Variants in ZNF469 observed in about 807,000 individuals in gnomAD.
The protein encoded by ZNF469 is zinc finger protein 469.
A neutral mutation model predicts 1.0 loss-of-function variants in ZNF469; 1 was observed. The ratio of observed to expected loss-of-function variants is 1.00; its 90% CI spans 0.35 to 4.73. The LOEUF is 4.73. ZNF469 is among the 30% of genes most tolerant of loss of function. The probability of loss-of-function intolerance (pLI) is 0.16; values close to 1 mark genes in which losing one functional copy is unlikely to be tolerated. For synonymous variants in ZNF469, 2,703 were observed against 2,363.4 expected, an observed-to-expected ratio of 1.14 and a Z score of -4.17; for missense variants, 6,100 against 5,356.3, an observed-to-expected ratio of 1.14 and a Z score of -4.33.
the ZNF469 span, among the ~76,000 whole-genome samples, chr16:88,368,826 G>A: frequency 6.6e-6 from 1 of 152,190 alleles, no homozygotes; most frequent in Non-Finnish European, 1.5e-5. Flanking sequence ...GCCAGGCACA[G>A]TGGCTCATGC....
At chr16:88,226,888 G>C in the ZNF469 span, among the ~76,000 whole-genome samples, 1 of 152,124 alleles carries the variant, frequency 6.6e-6, no homozygotes, top group Non-Finnish European at 1.5e-5. Context: ...CGCACCACAG[G>C]CTGCACGTTT....
chr16:88,377,181 C>G, the ZNF469 span, among the ~76,000 whole-genome samples: 4 of 152,244 alleles, frequency 2.6e-5, no homozygotes, highest in African/African-American at 9.6e-5. Context: ...GGCAGGGGCA[C>G]AGACCGTGTG....
chr16:88,185,623 C>G, the ZNF469 span, among the ~76,000 whole-genome samples: 1 of 151,994 alleles, frequency 6.6e-6, no homozygotes, highest in African/African-American at 2.4e-5. Flanking sequence ...CAGACACACT[C>G]ACATTTGCAC....
intron 1 of ZNF469, among the ~76,000 whole-genome samples, chr16:88,421,290 C>G (rs1007089436): frequency 6.6e-6 from 1 of 152,208 alleles, no homozygotes; most frequent in African/African-American, 2.4e-5. Context: ...GGGGCCAGTT[C>G]CTATTTCTGA....
the ZNF469 span, among the ~76,000 whole-genome samples, chr16:88,349,956 C>T: frequency 1.3e-4 from 2 of 15,302 alleles, no homozygotes; most frequent in Admixed American, 1.2e-3. Flanking sequence ...CACAAATACA[C>T]ACCATGAGCG....
At chr16:88,114,889 A>G in the ZNF469 span, among the ~76,000 whole-genome samples, 1 of 152,236 alleles carries the variant, frequency 6.6e-6, no homozygotes, top group South Asian at 2.1e-4. Context: ...GGAAGTGGGC[A>G]CTGGAAACAG....
the ZNF469 span, among the ~76,000 whole-genome samples, chr16:88,377,439 C>A: frequency 4.6e-5 from 7 of 152,214 alleles, no homozygotes; most frequent in African/African-American, 1.7e-4. Context: ...TGTGCCTGTG[C>A]CCCTGTGCAG....
the ZNF469 span, among the ~76,000 whole-genome samples, chr16:88,165,930 T>G: frequency 1.3e-5 from 2 of 152,166 alleles, no homozygotes; most frequent in African/African-American, 2.4e-5. Context: ...CTCATCCACA[T>G]GGGGTGTGTC....
At chr16:88,217,180 G>T in the ZNF469 span, among the ~76,000 whole-genome samples, 1 of 151,960 alleles carries the variant, frequency 6.6e-6, no homozygotes, top group African/African-American at 2.4e-5. Flanking sequence ...AATGCATCGT[G>T]GAGGCTCCAG....
intron 1 of ZNF469, among the ~76,000 whole-genome samples, chr16:88,385,855 C>G (rs994674287): frequency 6.6e-6 from 1 of 152,132 alleles, no homozygotes; most frequent in African/African-American, 2.4e-5. Context: ...GTGGGACGGG[C>G]TGGTGTGTGG....
rs954756535 is a variant in ZNF469, at chr16:88,426,131, C to T, written c.-126-1214C>T. On this transcript the variant is annotated intron_variant, in intron 2 of 2. Coordinates refer to ENST00000565624, the MANE Select transcript of ZNF469 (RefSeq NM_001367624.2). The stretch of plus-strand genomic sequence containing the variant: ...CAGGCCGGTGGGAGGGTCCTGTGAC[C>T]TCAGGAGGCAGCCCCCGCCTCCACA... Among the ~76,000 whole-genome samples the T allele has an allele frequency of 2.0e-5, 3 of 152,240 alleles. No individual in the cohort carries two copies. In the South Asian group the frequency reaches 6.2e-4, roughly 31 times the overall value.
At chr16:88,387,726 CGT>C (rs1567497881) in intron 1 of ZNF469, among the ~76,000 whole-genome samples, 1 of 152,192 alleles carries the variant, frequency 6.6e-6, no homozygotes, top group African/African-American at 2.4e-5. Flanking sequence ...GAAGGCTCAG[CGT>C]GTGTGGGGAA....
the ZNF469 span, among the ~76,000 whole-genome samples, chr16:88,274,532 C>G: frequency 6.6e-6 from 1 of 152,274 alleles, no homozygotes; most frequent in South Asian, 2.1e-4. Context: ...AGCCCACCCT[C>G]TGCCTTCAGA....
Position 88,424,469 on chromosome 16 carries a change from C to T in ZNF469, c.-191-338C>T, listed in dbSNP as rs1036438122. On this transcript the variant is annotated intron_variant, in intron 1 of 2. Transcript: ENST00000565624. The surrounding 1 kb of genome is among the most constrained non-coding windows in gnomAD (Gnocchi z 4.3). ...GATGGGAGGGGCAGCGTTCTCACTG[C>T]AACTCGTAATAATCTGGAGCTTCGG... 6.6e-6 allele frequency among the ~76,000 whole-genome samples: 1 copy of T among 152,186 alleles called. No homozygotes were observed. Among genetic ancestry groups the T allele is most frequent in the Non-Finnish European group, 1.5e-5 (1 of 68,022 alleles).
At chr16:88,246,410 C>G in the ZNF469 span, among the ~76,000 whole-genome samples, 1 of 152,210 alleles carries the variant, frequency 6.6e-6, no homozygotes, top group Non-Finnish European at 1.5e-5. Context: ...GGAACCCCAT[C>G]TCAGAGCAAG....
chr16:88,245,516 G>A, the ZNF469 span, among the ~76,000 whole-genome samples: 1 of 152,256 alleles, frequency 6.6e-6, no homozygotes, highest in African/African-American at 2.4e-5. Flanking sequence ...CCCTGAGGCT[G>A]GGAGGTCAGC....
At chr16:88,194,117 C>T in the ZNF469 span, among the ~76,000 whole-genome samples, 13 of 152,306 alleles carry the variant, frequency 8.5e-5, no homozygotes, top group Middle Eastern at 3.4e-3. Context: ...TTTATTCCCC[C>T]CTCCGCCACA....
Position 88,432,519 on chromosome 16 carries a change from T to C in ZNF469, c.5049T>C (p.Ala1683=). The C allele has an allele frequency of 6.5e-7, 1 of 1,550,312 alleles. No homozygotes were observed. Among genetic ancestry groups the C allele is most frequent in the Non-Finnish European group, 8.7e-7 (1 of 1,146,950 alleles). The change falls in exon 3 of 3, where the codon GCT becomes GCC. Residue 1683 remains alanine (A), a synonymous_variant. Coordinates refer to ENST00000565624, the MANE Select transcript of ZNF469 (RefSeq NM_001367624.2). ...PCAQEDLVSG[A]PFSPRGANFH... ...CCCAGGAAGACCTGGTTTCTGGGGC[T>C]CCTTTCAGCCCCAGGGGAGCCAACT...
rs1431147159 is a variant in ZNF469, at chr16:88,433,296, G to A, written c.5826G>A (p.Gly1942=). 1.3e-6 allele frequency: 2 copies of A among 1,550,250 alleles called. No individual in the cohort carries two copies. Among genetic ancestry groups the A allele is most frequent in the Non-Finnish European group, 8.7e-7 (1 of 1,146,962 alleles). Reference sequence around the variant, plus strand: ...GAGTGAACCCCTCAGGTCTGGAAGGGGGCACTGTGGAAGGAGGGAAGGTGG... The same window carrying A: ...GAGTGAACCCCTCAGGTCTGGAAGGAGGCACTGTGGAAGGAGGGAAGGTGG... ...PPRVNPSGLE[G]GTVEGGKVAC... Residue 1942 remains glycine, a synonymous_variant, in exon 3 of 3, where the codon GGG becomes GGA. Coordinates refer to ENST00000565624, the MANE Select transcript of ZNF469 (RefSeq NM_001367624.2).
Sources: allele counts gnomAD v4.1 joint callset (sites outside exome capture counted in the v4.1 genomes callset), GRCh38; gene constraint gnomAD v4.1.1; non-coding constraint Gnocchi (gnomAD v3.1); transcripts MANE v1.5; gene names NCBI Gene and HGNC (gene_info 2026-07-23, HGNC 2026-07-21).